The following SORCS1 variants were observed in gnomAD, a reference collection of about 807,000 sequenced individuals.
SORCS1 encodes the protein sortilin related VPS10 domain containing receptor 1, also known as VPS10 domain-containing receptor SorCS1.
In SORCS1, 60 loss-of-function variants were observed where a neutral mutation model predicts 146.1. The observed-to-expected ratio is 0.41, with a 90% confidence interval of 0.33 to 0.51. The LOEUF (loss-of-function observed/expected upper bound fraction) is 0.51, where lower values mean the gene tolerates loss of function less well. Ranked by LOEUF, SORCS1 falls within the 20% of genes least tolerant of loss-of-function variation. The pLI is 0.21. For synonymous variants in SORCS1, 637 were observed against 584.0 expected (o/e 1.09, Z -1.31); for missense variants, 1,352 against 1,487.6 (o/e 0.91, Z 1.50).
At chr10:107,079,156 G>A (rs1035777379) in intron 1 of SORCS1, among the ~76,000 whole-genome samples, 13 of 151,868 alleles carry the variant, frequency 8.6e-5, no homozygotes, top group African/African-American at 1.9e-4. Context: ...AACCCGGGAG[G>A]TGGAGCTTGC....
chr10:107,088,075 C>G (rs552212176), intron 1 of SORCS1, among the ~76,000 whole-genome samples: 2 of 150,356 alleles, frequency 1.3e-5, no homozygotes. Context: ...CCCACCACCA[C>G]GCCTGGCTAG....
At chr10:106,693,082 G>A (rs959506536) in intron 9 of SORCS1, among the ~76,000 whole-genome samples, 6 of 152,092 alleles carry the variant, frequency 3.9e-5, no homozygotes, top group African/African-American at 1.4e-4. Context: ...TTAACCCTGT[G>A]TGTACACTTG....
At chr10:106,772,328 A>G (rs1718799675) in intron 4 of SORCS1, among the ~76,000 whole-genome samples, 1 of 152,102 alleles carries the variant, frequency 6.6e-6, no homozygotes, top group Non-Finnish European at 1.5e-5. Context: ...CCCCCAACCA[A>G]TTCTCAGGCC....
chr10:107,005,475 A>G (rs1362019479), intron 1 of SORCS1, among the ~76,000 whole-genome samples: 1 of 152,236 alleles, frequency 6.6e-6, no homozygotes, highest in Non-Finnish European at 1.5e-5. Context: ...ACTTTCACAA[A>G]TAAAGGCTGA....
intron 2 of SORCS1, among the ~76,000 whole-genome samples, chr10:106,903,485 G>A (rs989934340): frequency 1.3e-5 from 2 of 152,152 alleles, no homozygotes; most frequent in Admixed American, 1.3e-4. Context: ...CAATCCTATT[G>A]TTACTTGGCT....
At chr10:106,807,204 G>A (rs894238827) in intron 3 of SORCS1, among the ~76,000 whole-genome samples, 2 of 152,170 alleles carry the variant, frequency 1.3e-5, no homozygotes, top group South Asian at 2.1e-4. Context: ...GAGGAAGGAA[G>A]GAAGGAAGGA....
intron 2 of SORCS1, among the ~76,000 whole-genome samples, chr10:106,921,612 G>C (rs1952715599): frequency 6.6e-6 from 1 of 152,098 alleles, no homozygotes; most frequent in South Asian, 2.1e-4. Context: ...CTCAGTGCAA[G>C]GGACACAGGG....
intron 2 of SORCS1, among the ~76,000 whole-genome samples, chr10:106,911,404 T>A (rs563717321): frequency 5.9e-5 from 9 of 152,334 alleles, no homozygotes; most frequent in South Asian, 2.1e-4. Flanking sequence ...TCGTGTCCAC[T>A]GAGGACAACA....
chr10:106,848,231 T>A (rs371742639), intron 2 of SORCS1, among the ~76,000 whole-genome samples: 5,247 of 61,740 alleles, frequency 0.085, 365 homozygotes, highest in Middle Eastern at 0.15. Context: ...AGTCTCTTTG[T>A]AGGTCACTCA....
intron 3 of SORCS1, among the ~76,000 whole-genome samples, chr10:106,792,895 G>A (rs1000615292): frequency 2.0e-5 from 3 of 151,932 alleles, no homozygotes; most frequent in Non-Finnish European, 2.9e-5. Flanking sequence ...AGAAAAACAC[G>A]ACTTTTGGAA....
chr10:106,685,082 T>A (rs1273824628), intron 10 of SORCS1, among the ~76,000 whole-genome samples: 15 of 152,202 alleles, frequency 9.9e-5, no homozygotes, highest in Non-Finnish European at 1.5e-5. Flanking sequence ...CTTTCTTCCA[T>A]CTTAATGAGC....
chr10:106,914,021 G>A (rs763987081), intron 2 of SORCS1, among the ~76,000 whole-genome samples: 6 of 152,194 alleles, frequency 3.9e-5, no homozygotes, highest in Non-Finnish European at 5.9e-5. Context: ...GAAGATGGCT[G>A]TGAAGTTCCC....
intron 6 of SORCS1, among the ~76,000 whole-genome samples, chr10:106,718,363 C>T (rs923316089): frequency 6.6e-6 from 1 of 152,220 alleles, no homozygotes; most frequent in Non-Finnish European, 1.5e-5. Context: ...GTCTTGCTGA[C>T]TTCATGAATG....
rs1321600050 is a variant in SORCS1, at chr10:107,082,480, CTTTTTT to C, written c.558+81483_558+81488del. Among the ~76,000 whole-genome samples, 6 of 150,414 alleles carry C rather than the reference CTTTTTT, an allele frequency of 4.0e-5. No homozygotes were observed. The East Asian group carries it at 9.7e-4, about 24-fold the overall frequency. Reference sequence around the variant, plus strand: ...CTTCTCCTTTCTTTTTTTTTCTTTTCTTTTTTGTTTTTTTAGAGACAGAGTCACGCT... The same window carrying C: ...CTTCTCCTTTCTTTTTTTTTCTTTTCGTTTTTTTAGAGACAGAGTCACGCT... On this transcript the variant is annotated intron_variant, in intron 1 of 25. Transcript: ENST00000263054.
chr10:107,027,859 C>T (rs561808204), intron 1 of SORCS1, among the ~76,000 whole-genome samples: 8 of 152,304 alleles, frequency 5.3e-5, no homozygotes, highest in Admixed American at 3.3e-4. Flanking sequence ...CACAATTACT[C>T]GTTGGCCTGC....
At chr10:106,967,713 G>A (rs1300888623) in intron 1 of SORCS1, among the ~76,000 whole-genome samples, 1 of 152,074 alleles carries the variant, frequency 6.6e-6, no homozygotes, top group East Asian at 1.9e-4. Context: ...GATAAATCCT[G>A]TTCTCATTCC....
chr10:106,963,515 G>A (rs948597761), intron 1 of SORCS1, among the ~76,000 whole-genome samples: 1 of 152,170 alleles, frequency 6.6e-6, no homozygotes, highest in Non-Finnish European at 1.5e-5. Flanking sequence ...TCCAGATTGT[G>A]TGTCTTTGGC....
chr10:106,870,264 T>C (rs1950358002), intron 2 of SORCS1, among the ~76,000 whole-genome samples: 1 of 152,224 alleles, frequency 6.6e-6, no homozygotes, highest in Admixed American at 6.5e-5. Flanking sequence ...ATGTCCATGC[T>C]GGCCAAAGCA....
chr10:107,017,816 A>AT (rs1194799980), intron 1 of SORCS1, among the ~76,000 whole-genome samples: 13 of 151,828 alleles, frequency 8.6e-5, no homozygotes, highest in Non-Finnish European at 1.5e-4. Context: ...ACGCCCGGCT[A>AT]TTTTTTTGTT....
Sources: gnomAD v4.1 joint callset for allele counts (sites outside exome capture counted in the v4.1 genomes callset) on GRCh38, gnomAD v4.1.1 for gene constraint, MANE v1.5 for transcripts, NCBI Gene and HGNC (gene_info 2026-07-23, HGNC 2026-07-21) for gene names.